Variants in COL23A1 observed in about 807,000 individuals in gnomAD.
COL23A1 encodes the protein collagen type XXIII alpha 1 chain, also known as collagen alpha-1(XXIII) chain.
A neutral mutation model predicts 99.3 loss-of-function variants in COL23A1; 97 were observed. The observed-to-expected ratio is 0.98, with a 90% confidence interval of 0.83 to 1.16. The LOEUF (loss-of-function observed/expected upper bound fraction) is 1.16. Among genes scored for constraint, COL23A1 ranks in the 50% most tolerant of loss-of-function variants. The pLI, the probability that COL23A1 is intolerant of heterozygous loss-of-function variation, is 0.00. For synonymous variants in COL23A1, 320 were observed against 308.2 expected (o/e 1.04, Z -0.40); for missense variants, 762 against 757.4 (o/e 1.01, Z -0.07).
Position 178,313,799 on chromosome 5 carries a change from A to G in COL23A1, c.362-6880T>C, listed in dbSNP as rs191923784. ...TCCCAGACCTTCAGTCTGGAGCTCT[A>G]TGAGATTGCTGGGGCTTCAGGGCCA... On this transcript the variant is annotated intron_variant, in intron 2 of 28. Transcript: ENST00000390654. This position sits in a 1 kb window ranked among gnomAD's most constrained non-coding sequence, Gnocchi z 4.2. Among the ~76,000 whole-genome samples the G allele has an allele frequency of 1.1e-3, 163 of 152,148 alleles. No homozygotes were observed. Among genetic ancestry groups the G allele is most frequent in the African/African-American group, 3.7e-3 (155 of 41,502 alleles).
rs550379326 is a variant in COL23A1 at position 178,538,784 on chromosome 5, T to C, written c.361+21898A>G. On this transcript the variant is annotated intron_variant, in intron 2 of 28. Transcript: ENST00000390654. ...ACACACACTTGTACAAGAATGTTCA[T>C]GGCAGCACTATGCCTAATAAGCAAA... Among the ~76,000 whole-genome samples, 5 of 152,346 alleles carry C rather than the reference T, an allele frequency of 3.3e-5. No individual in the cohort carries two copies. The South Asian group carries it at 8.3e-4, about 25-fold the overall frequency.
chr5:178,582,678 T>C (rs909879008), intron 1 of COL23A1, among the ~76,000 whole-genome samples: 1 of 152,072 alleles, frequency 6.6e-6, no homozygotes, highest in Admixed American at 6.6e-5. Context: ...CATTTTCCTC[T>C]TCCAGACTCC....
At chr5:178,258,248 T>C (rs199949549) in intron 12 of COL23A1, among the ~76,000 whole-genome samples, 1 of 95,402 alleles carries the variant, frequency 1.0e-5, no homozygotes, top group Non-Finnish European at 2.2e-5. Context: ...TATATATATA[T>C]ATATATATAT....
rs1395360512 is a variant in COL23A1, at chr5:178,360,599, CCT to C, written c.362-53682_362-53681del. On this transcript the variant is annotated intron_variant, in intron 2 of 28. Coordinates refer to ENST00000390654, the MANE Select transcript of COL23A1 (RefSeq NM_173465.4). ...CCAGATGCAGAACTGTTGGCAAACA[CCT>C]CTCTGAGCCTCGGTGTCCCCACCTT... 5.3e-5 allele frequency among the ~76,000 whole-genome samples: 8 copies of C among 152,354 alleles called. No homozygotes were observed. The South Asian group carries it at 8.3e-4, about 16-fold the overall frequency.
At chr5:178,261,853 A>G (rs1448052034) in intron 10 of COL23A1, 105 bp from the exon 11 acceptor site, 1 of 1,001,608 alleles carries the variant, frequency 1.0e-6, no homozygotes, top group African/African-American at 1.6e-5. Flanking sequence ...AATCCCAGAG[A>G]GCAGGAGGCT....
chr5:178,585,755 T>TTGA (rs1763963245), intron 1 of COL23A1, among the ~76,000 whole-genome samples: 1 of 9,032 alleles, frequency 1.1e-4, no homozygotes, highest in Admixed American at 1.6e-3. Context: ...ACCCTGTTGG[T>TTGA]TGCTCCCCAG....
intron 25 of COL23A1, among the ~76,000 whole-genome samples, chr5:178,244,353 T>C (rs1764563408): frequency 6.6e-6 from 1 of 152,170 alleles, no homozygotes; most frequent in Non-Finnish European, 1.5e-5. Flanking sequence ...CATCTGGGCC[T>C]ATGTCCCTCA....
At chr5:178,455,346 AGGCAC>A (rs1228225765) in intron 2 of COL23A1, among the ~76,000 whole-genome samples, 5 of 152,156 alleles carry the variant, frequency 3.3e-5, no homozygotes, top group Admixed American at 6.5e-5. Flanking sequence ...GCCAGGCCAC[AGGCAC>A]CAGCATGGGA....
intron 2 of COL23A1, among the ~76,000 whole-genome samples, chr5:178,423,416 T>A (rs1488188941): frequency 6.6e-6 from 1 of 152,138 alleles, no homozygotes; most frequent in African/African-American, 2.4e-5. Context: ...TGATCTATGG[T>A]GTACGGTAAT....
chr5:178,362,663 C>G (rs1465406848), intron 2 of COL23A1, among the ~76,000 whole-genome samples: 1 of 152,176 alleles, frequency 6.6e-6, no homozygotes, highest in African/African-American at 2.4e-5. Flanking sequence ...CCAGGAGTCT[C>G]CGCCATGGGA....
chr5:178,346,993 G>A (rs4976762), intron 2 of COL23A1, among the ~76,000 whole-genome samples: 2,551 of 152,124 alleles, frequency 0.017, 59 homozygotes, highest in Admixed American at 0.04. Context: ...GTCTCCTTAC[G>A]GCCTCCAGGG....
chr5:178,528,106 C>G (rs1303993273), intron 2 of COL23A1, among the ~76,000 whole-genome samples: 1 of 152,222 alleles, frequency 6.6e-6, no homozygotes, highest in African/African-American at 2.4e-5. Context: ...TCCCTGGGCA[C>G]TGGGACTGCC....
At chr5:178,300,213 G>A (rs1164856122) in intron 3 of COL23A1, among the ~76,000 whole-genome samples, 1 of 151,806 alleles carries the variant, frequency 6.6e-6, no homozygotes, top group Non-Finnish European at 1.5e-5. Flanking sequence ...TTACAGGCGT[G>A]TGCATGCCAC....
intron 1 of COL23A1, among the ~76,000 whole-genome samples, chr5:178,585,754 GT>G (rs1763962616): frequency 2.9e-4 from 2 of 6,956 alleles, no homozygotes. Flanking sequence ...GACCCTGTTG[GT>G]TGCTCCCCAG....
rs1470281896 is a variant in COL23A1, at chr5:178,257,594, C to T, written c.730-27G>A. The T allele has an allele frequency of 7.1e-6, 11 of 1,551,696 alleles. No homozygotes were observed. The East Asian group carries it at 9.7e-5, about 14-fold the overall frequency. On this transcript the variant is annotated intron_variant, in intron 12 of 28. Coordinates refer to ENST00000390654, the MANE Select transcript of COL23A1 (RefSeq NM_173465.4). ...TGAGGAGAGGACACCTGGGGCTTGC[C>T]GGTCAGACCCTCGGGTGGCCAGTGG...
chr5:178,332,938 T>C (rs1561870165), intron 2 of COL23A1, among the ~76,000 whole-genome samples: 1 of 152,046 alleles, frequency 6.6e-6, no homozygotes, highest in Admixed American at 6.6e-5. Flanking sequence ...TTTTTCATTT[T>C]TGACTCATGG....
At chr5:178,249,716 A>ACTCTCTCTCTCTCT (rs59946818) in intron 18 of COL23A1, among the ~76,000 whole-genome samples, 25 of 92,792 alleles carry the variant, frequency 2.7e-4, no homozygotes, top group East Asian at 2.1e-3. Flanking sequence ...ACACACACAC[A>ACTCTCTCTCTCTCT]CTCTCTCTCT....
intron 4 of COL23A1, 52 bp downstream of exon 4, chr5:178,290,310 G>C (rs1016940322): frequency 1.4e-5 from 23 of 1,613,166 alleles, no homozygotes; most frequent in Non-Finnish European, 1.7e-5. Context: ...AACAGAGAGA[G>C]AACCAAACAT....
intron 2 of COL23A1, among the ~76,000 whole-genome samples, chr5:178,367,376 A>T (rs4976723): frequency 9.9e-5 from 15 of 152,284 alleles, no homozygotes; most frequent in African/African-American, 3.1e-4. Flanking sequence ...CAGCAGCCAG[A>T]GTATCAGCAA....
Sources: gnomAD v4.1 joint callset for allele counts (sites outside exome capture counted in the v4.1 genomes callset) on GRCh38, gnomAD v4.1.1 for gene constraint, Gnocchi (gnomAD v3.1) non-coding constraint, MANE v1.5 for transcripts, NCBI Gene and HGNC (gene_info 2026-07-23, HGNC 2026-07-21) for gene names.